Variants in RBP7 observed in about 807,000 individuals in gnomAD.
RBP7 encodes the protein retinoid-binding protein 7.
Under a neutral mutation model 16.7 loss-of-function variants are expected in RBP7, and 13 were observed. The ratio of observed to expected loss-of-function variants is 0.78; its 90% CI spans 0.51 to 1.24. The LOEUF (loss-of-function observed/expected upper bound fraction) is 1.24, where lower values mean the gene tolerates loss of function less well. RBP7 is among the 50% of genes most tolerant of loss of function. RBP7 has a pLI of 0.00. For synonymous variants in RBP7, 54 were observed against 56.2 expected, an observed-to-expected ratio of 0.96 and a Z score of 0.17; for missense variants, 145 against 159.5, an observed-to-expected ratio of 0.91 and a Z score of 0.49.
chr1:10,012,978 A>G (rs1289307264), intron 3 of RBP7, among the ~76,000 whole-genome samples: 1 of 150,954 alleles, frequency 6.6e-6, no homozygotes, highest in African/African-American at 2.4e-5. Context: ...CCAAATGTGT[A>G]CATCCTTCTC....
rs778318435 is a variant in RBP7 at position 10,008,259 on chromosome 1, A to G, written c.339A>G (p.Gly113=). 26 of 1,605,800 alleles carry G rather than the reference A, an allele frequency of 1.6e-5. No homozygotes were observed. Among genetic ancestry groups the G allele is most frequent in the Non-Finnish European group, 1.9e-5 (22 of 1,172,914 alleles). Residue 113 remains glycine, a synonymous_variant, in exon 3 of 4, where the codon GGA becomes GGG. Transcript: ENST00000294435. ...GAGGCTGGACCCATTGGATCGAAGG[A>G]GACAAACTCCACCTGGTATCCACCA... The part of the protein sequence containing the change: ...KNRGWTHWIE[G]DKLHLEMFCE...
intron 3 of RBP7, among the ~76,000 whole-genome samples, chr1:10,011,974 G>A (rs923441378): frequency 2.0e-5 from 3 of 151,976 alleles, no homozygotes; most frequent in African/African-American, 7.2e-5. Context: ...GGCCAAGGTG[G>A]GTGGATCACT....
intron 3 of RBP7, 26 bp downstream of exon 3, chr1:10,008,300 G>T: frequency 6.9e-7 from 1 of 1,440,634 alleles, no homozygotes; most frequent in South Asian, 1.1e-5. Context: ...TGTTCTTAAT[G>T]AGATGATACA....
In RBP7 at chr1:9,997,967, C is replaced by A. The variant is rs1286419528; in HGVS notation, c.73+636C>A. ...GGCGTGCCCCGACCGCCGCCTCCCA[C>A]GAGGGCTGGGTGCCCGCGGCGTTCT... On this transcript the variant is annotated intron_variant, in intron 1 of 3. Coordinates refer to ENST00000294435, the MANE Select transcript of RBP7 (RefSeq NM_052960.3). The surrounding 1 kb of genome is among the most constrained non-coding windows in gnomAD (Gnocchi z 5.9). Among the ~76,000 whole-genome samples, 3 of 152,154 alleles carry A rather than the reference C, an allele frequency of 2.0e-5. No individual in the cohort carries two copies. Among genetic ancestry groups the A allele is most frequent in the African/African-American group, 7.2e-5 (3 of 41,454 alleles).
At chr1:10,008,466 G>T (rs1229902486) in intron 3 of RBP7, among the ~76,000 whole-genome samples, 192 bp downstream of exon 3, 1 of 148,048 alleles carries the variant, frequency 6.8e-6, no homozygotes, top group Non-Finnish European at 1.5e-5. Flanking sequence ...TTTTGAGATG[G>T]AGTATCGCTG....
At chr1:9,999,429 G>A (rs981706262) in intron 1 of RBP7, among the ~76,000 whole-genome samples, 3 of 152,094 alleles carry the variant, frequency 2.0e-5, no homozygotes, top group African/African-American at 7.2e-5. Context: ...GCGGGCGCCT[G>A]TAATCCCAGC....
At chr1:10,004,649 C>T (rs981512015) in intron 1 of RBP7, among the ~76,000 whole-genome samples, 2 of 152,194 alleles carry the variant, frequency 1.3e-5, no homozygotes, top group Non-Finnish European at 2.9e-5. Flanking sequence ...CATGAGCAAC[C>T]GTGCCCGGCG....
Position 10,008,190 on chromosome 1 carries a change from C to T in RBP7, c.270C>T (p.Asp90=). ...NRKCKSLVIW[D]NDRLTCIQKG... ...TCATGCAGAGTTTGGTTATCTGGGACAATGACAGGCTCACCTGTATCCAGA... is the reference window on the plus strand; with the variant it reads ...TCATGCAGAGTTTGGTTATCTGGGATAATGACAGGCTCACCTGTATCCAGA... The change falls in exon 3 of 4, where the codon GAC becomes GAT. Residue 90 remains aspartate, a synonymous_variant. Transcript: ENST00000294435. 2 of 1,609,904 alleles carry T rather than the reference C, an allele frequency of 1.2e-6. No individual in the cohort carries two copies. The highest frequency in any genetic ancestry group is 1.7e-6 in the Non-Finnish European group (2 of 1,176,474).
At chr1:10,007,463 A>C in intron 1 of RBP7, 107 bp from the exon 2 acceptor site, 1 of 834,824 alleles carries the variant, frequency 1.2e-6, no homozygotes, top group Non-Finnish European at 1.9e-6. Context: ...TAGAAGTCGT[A>C]CAGGAAATGC....
intron 2 of RBP7, 48 bp downstream of exon 2, chr1:10,007,796 T>C (rs1189432537): frequency 1.3e-6 from 2 of 1,559,520 alleles, no homozygotes; most frequent in Non-Finnish European, 1.8e-6. Flanking sequence ...CTTGTAATCC[T>C]AACACTTTGG....
At chr1:10,003,912 C>T (rs1361002854) in intron 1 of RBP7, among the ~76,000 whole-genome samples, 1 of 151,706 alleles carries the variant, frequency 6.6e-6, no homozygotes, top group Non-Finnish European at 1.5e-5. Context: ...CCCCCCACCA[C>T]GCCTGACTAA....
intron 1 of RBP7, chr1:10,004,065 ATTTTTT>A (rs56955055): frequency 4.8e-5 from 4 of 83,196 alleles, no homozygotes; most frequent in Admixed American, 1.5e-4. Context: ...CTGCCTCACA[ATTTTTT>A]TTTTTTTTTT....
intron 1 of RBP7, among the ~76,000 whole-genome samples, chr1:10,005,592 C>G (rs1245406672): frequency 3.3e-5 from 5 of 149,998 alleles, no homozygotes; most frequent in Non-Finnish European, 5.9e-5. Context: ...GAGACGGAGT[C>G]TTGCTCTGTT....
In RBP7 at chr1:10,015,909, C is replaced by G; in HGVS notation, c.*77C>G. ...TATTGCAGACTGAACAGACGTTTAT[C>G]TATCCCATTTGGCGACGAGGACTCG... On this transcript the variant is annotated 3_prime_UTR_variant, in exon 4 of 4. Coordinates refer to ENST00000294435, the MANE Select transcript of RBP7 (RefSeq NM_052960.3). 1 of 1,416,388 alleles carries G rather than the reference C, an allele frequency of 7.1e-7. No individual in the cohort carries two copies. The highest frequency in any genetic ancestry group is 1.0e-6 in the Non-Finnish European group (1 of 1,003,436). 87.7% of individuals were successfully genotyped at this position (1,416,388 alleles called of 1,614,324 possible). A position where few individuals can be genotyped will look rare whatever the true frequency, so the allele number is the denominator to read the frequency against.
intron 3 of RBP7, among the ~76,000 whole-genome samples, chr1:10,015,363 G>A (rs183357994): frequency 2.7e-5 from 4 of 150,618 alleles, no homozygotes; most frequent in Non-Finnish European, 5.9e-5. Context: ...TTGCTTGAAG[G>A]CAATTCCGCT....
chr1:10,007,859 C>A, intron 2 of RBP7, 111 bp downstream of exon 2: 1 of 949,266 alleles, frequency 1.1e-6, no homozygotes, highest in Non-Finnish European at 1.6e-6. Flanking sequence ...CCAGCCTGGG[C>A]AACACGGCAA....
intron 1 of RBP7, among the ~76,000 whole-genome samples, chr1:10,001,861 C>T (rs1409995771): frequency 6.7e-6 from 1 of 149,780 alleles, no homozygotes; most frequent in Non-Finnish European, 1.5e-5. Context: ...CAGAGTCTCC[C>T]TTTGTTGCCC....
rs151267380 is a variant in RBP7, at chr1:10,007,658, G to C, written c.162G>C (p.Thr54=). ...ATGGGGATTCTTTTACCATCCACAC[G>C]AACAGCAGCCTAAGGAACTACTTTG... ...EQNGDSFTIH[T]NSSLRNYFVK... is the part of the protein sequence containing the mutation. Residue 54 remains threonine (T), a synonymous_variant, in exon 2 of 4, where the codon ACG becomes ACC. Transcript: ENST00000294435. 1.2e-5 allele frequency: 19 copies of C among 1,613,922 alleles called. No individual in the cohort carries two copies. The highest frequency in any genetic ancestry group is 5.5e-5 in the South Asian group (5 of 91,082).
chr1:9,998,697 C>T (rs1377832499), intron 1 of RBP7, among the ~76,000 whole-genome samples: 2 of 152,016 alleles, frequency 1.3e-5, no homozygotes, highest in Non-Finnish European at 1.5e-5. Flanking sequence ...CGTGAGGCAC[C>T]GCACCGGCCA....
Sources: allele counts gnomAD v4.1 joint callset (sites outside exome capture counted in the v4.1 genomes callset), GRCh38; gene constraint gnomAD v4.1.1; non-coding constraint Gnocchi (gnomAD v3.1); transcripts MANE v1.5; gene names NCBI Gene and HGNC (gene_info 2026-07-23, HGNC 2026-07-21).